The following SLC22A16 variants were observed in gnomAD, a reference collection of about 807,000 sequenced individuals.
SLC22A16 encodes the protein solute carrier family 22 member 16, also known as WUGSC:RG331P03.1.
A neutral mutation model predicts 52.9 loss-of-function variants in SLC22A16; 53 were observed. The observed-to-expected ratio is 1.00, with a 90% CI of 0.80 to 1.26. The LOEUF is 1.26. SLC22A16 is among the 50% of genes most tolerant of loss of function. SLC22A16 has a pLI of 0.00. For missense variants in SLC22A16, 726 were observed against 704.0 expected, an observed-to-expected ratio of 1.03 and a Z score of -0.35; for synonymous variants, 291 against 268.8, an observed-to-expected ratio of 1.08 and a Z score of -0.81.
rs1009959960 is a variant in SLC22A16, at chr6:110,476,594, C to A, written c.-20G>T. Reference sequence around the variant, plus strand: ...CCCCATGGTGCGGCCGTGCACTGGGCGCCGAGTTAGCCGAGCTCCGGGGAC... The same window carrying A: ...CCCCATGGTGCGGCCGTGCACTGGGAGCCGAGTTAGCCGAGCTCCGGGGAC... On this transcript the variant is annotated 5_prime_UTR_variant, in exon 1 of 8. Transcript: ENST00000368919. 6.6e-7 allele frequency: 1 copy of A among 1,522,086 alleles called. No individual in the cohort carries two copies. Among genetic ancestry groups the A allele is most frequent in the Non-Finnish European group, 8.8e-7 (1 of 1,136,488 alleles). The allele number at this position is 1,522,086 out of a possible 1,614,324, so 94.3% of individuals were successfully genotyped here.
intron 3 of SLC22A16, among the ~76,000 whole-genome samples, chr6:110,446,494 CTGT>C (rs1775176354): frequency 6.6e-6 from 1 of 152,200 alleles, no homozygotes; most frequent in Non-Finnish European, 1.5e-5. Flanking sequence ...TAATGCCCTC[CTGT>C]TTTCATTCTT....
At chr6:110,446,264 C>T (rs1460545882) in intron 3 of SLC22A16, among the ~76,000 whole-genome samples, 1 of 152,150 alleles carries the variant, frequency 6.6e-6, no homozygotes, top group African/African-American at 2.4e-5. Flanking sequence ...TAGTAAGTTA[C>T]CATTGTAATC....
intron 5 of SLC22A16, 76 bp downstream of exon 5, chr6:110,438,644 T>C: frequency 2.0e-6 from 3 of 1,490,038 alleles, no homozygotes; most frequent in Non-Finnish European, 2.7e-6. Context: ...CCTTCATACT[T>C]AACTGTAATA....
intron 6 of SLC22A16, among the ~76,000 whole-genome samples, chr6:110,432,415 G>C (rs2114897227): frequency 6.6e-6 from 1 of 152,272 alleles, no homozygotes. Context: ...ATTATTTGAT[G>C]GGATTGTCAC....
At chr6:110,425,596 G>C (rs928177965) in intron 7 of SLC22A16, among the ~76,000 whole-genome samples, 2 of 152,208 alleles carry the variant, frequency 1.3e-5, no homozygotes, top group Non-Finnish European at 2.9e-5. Context: ...CAGAATCTAC[G>C]GAATTTGGGG....
chr6:110,447,032 T>C, intron 2 of SLC22A16, 42 bp from the exon 3 acceptor site: 1 of 1,519,662 alleles, frequency 6.6e-7, no homozygotes, highest in Admixed American at 1.8e-5. Flanking sequence ...AAAGGTAGAG[T>C]TGTAACAGTT....
At chr6:110,476,448 C>A in intron 1 of SLC22A16, 74 bp downstream of exon 1, 1 of 1,432,456 alleles carries the variant, frequency 7.0e-7, no homozygotes. Flanking sequence ...CGCGCGAGAA[C>A]CCCGCCGCAA....
chr6:110,457,254 C>A (rs1775698972), intron 1 of SLC22A16, among the ~76,000 whole-genome samples: 4 of 152,186 alleles, frequency 2.6e-5, no homozygotes, highest in Admixed American at 2.6e-4. Context: ...ACACCCATTG[C>A]CCAGATCTTA....
intron 2 of SLC22A16, among the ~76,000 whole-genome samples, chr6:110,455,025 AT>A (rs1331033936): frequency 8.1e-6 from 1 of 123,084 alleles, no homozygotes; most frequent in Non-Finnish European, 1.6e-5. Context: ...TATATATATA[AT>A]TTCACTAATA....
At chr6:110,435,718 A>G (rs1209127363) in intron 6 of SLC22A16, 134 bp downstream of exon 6, 13 of 617,866 alleles carry the variant, frequency 2.1e-5, no homozygotes, top group Admixed American at 9.0e-5. Flanking sequence ...GAGTATCAGC[A>G]TGTCATTTTC....
intron 1 of SLC22A16, chr6:110,476,291 G>C (rs1216534285): frequency 7.6e-7 from 1 of 1,323,416 alleles, no homozygotes; most frequent in Non-Finnish European, 9.8e-7. Flanking sequence ...GGCGCACTCC[G>C]AGCGAGCCCA....
At chr6:110,462,442 A>T (rs1302067038) in intron 1 of SLC22A16, among the ~76,000 whole-genome samples, 1 of 152,234 alleles carries the variant, frequency 6.6e-6, no homozygotes, top group African/African-American at 2.4e-5. Flanking sequence ...GCTGAAAATC[A>T]ACCCCCAAAA....
intron 1 of SLC22A16, among the ~76,000 whole-genome samples, chr6:110,473,503 T>C (rs1776337806): frequency 2.6e-4 from 3 of 11,614 alleles, no homozygotes; most frequent in African/African-American, 1.2e-3. Flanking sequence ...TTTTTTTTTT[T>C]TTTTTTTTTT....
chr6:110,467,776 T>G (rs1469840135), intron 1 of SLC22A16, among the ~76,000 whole-genome samples: 1 of 152,186 alleles, frequency 6.6e-6, no homozygotes, highest in African/African-American at 2.4e-5. Context: ...TAAATTAACT[T>G]ATTATGTATA....
rs757462980 is a variant in SLC22A16, at chr6:110,436,005, T to G, written c.1312-44A>C. ...AATAGATCATCACAAGTGGTATTTT[T>G]AAAGGAAAATAGAAAATCTTTAAAA... On this transcript the variant is annotated intron_variant, in intron 5 of 7. Coordinates refer to ENST00000368919, the MANE Select transcript of SLC22A16 (RefSeq NM_033125.4). 3 of 1,236,134 alleles carry G rather than the reference T, an allele frequency of 2.4e-6. No individual in the cohort carries two copies. The South Asian group carries it at 3.8e-5, about 16-fold the overall frequency. 76.6% of individuals were successfully genotyped at this position (1,236,134 alleles called of 1,614,324 possible).
rs1435985359 is a variant in SLC22A16, at chr6:110,446,942, C to G, written c.582G>C (p.Leu194Phe). ...VLWATSSSMFLFGIAAAFAVD... is the reference protein window; with the variant it reads ...VLWATSSSMFFFGIAAAFAVD... Reference sequence around the variant, plus strand: ...CTGCAAACGCCGCTGCTATTCCAAACAAAAACATGCTACTGCTTGTGGCCC... The same window carrying G: ...CTGCAAACGCCGCTGCTATTCCAAAGAAAAACATGCTACTGCTTGTGGCCC... The change falls in exon 3 of 8, where the codon TTG (leucine) becomes TTC (phenylalanine). Residue 194 changes from leucine (L) to phenylalanine (F), a missense_variant. Leu to Phe is a conservative substitution (Grantham distance 22). Transcript: ENST00000368919. 1.9e-6 allele frequency: 3 copies of G among 1,613,888 alleles called. No homozygotes were observed. The South Asian group carries it at 3.3e-5, about 18-fold the overall frequency.
At chr6:110,461,297 C>T (rs192113376) in intron 1 of SLC22A16, among the ~76,000 whole-genome samples, 1 of 152,258 alleles carries the variant, frequency 6.6e-6, no homozygotes, top group East Asian at 1.9e-4. Flanking sequence ...TCAGGAGTGG[C>T]CAGGAGCCAA....
At chr6:110,474,047 G>A (rs1015149841) in intron 1 of SLC22A16, among the ~76,000 whole-genome samples, 26 of 152,170 alleles carry the variant, frequency 1.7e-4, no homozygotes, top group African/African-American at 4.6e-4. Flanking sequence ...GATCAGCGGC[G>A]GCATTAGATT....
chr6:110,448,143 A>G (rs977070700), intron 2 of SLC22A16, among the ~76,000 whole-genome samples: 4 of 152,082 alleles, frequency 2.6e-5, no homozygotes, highest in Non-Finnish European at 5.9e-5. Flanking sequence ...GATTCTCCAC[A>G]TTCTCCCCAC....
Sources: gnomAD v4.1 joint callset for allele counts (sites outside exome capture counted in the v4.1 genomes callset) on GRCh38, gnomAD v4.1.1 for gene constraint, MANE v1.5 for transcripts, NCBI Gene and HGNC (gene_info 2026-07-23, HGNC 2026-07-21) for gene names.